Variants in SUMF1 observed in about 807,000 individuals in gnomAD.
SUMF1 encodes the protein formylglycine-generating enzyme.
Under a neutral mutation model 47.6 loss-of-function variants are expected in SUMF1, and 48 were observed. The ratio of observed to expected loss-of-function variants is 1.01; its 90% CI spans 0.80 to 1.28. SUMF1 has a LOEUF of 1.28. Ranked by LOEUF, SUMF1 falls within the 50% of genes most tolerant of loss-of-function variation. SUMF1 has a pLI of 0.00. For missense variants in SUMF1, 571 were observed against 485.4 expected, an observed-to-expected ratio of 1.18 and a Z score of -1.66; for synonymous variants, 230 against 192.1, an observed-to-expected ratio of 1.20 and a Z score of -1.63.
intron 8 of SUMF1, among the ~76,000 whole-genome samples, chr3:4,195,451 A>G (rs1460704412): frequency 6.6e-6 from 1 of 152,144 alleles, no homozygotes; most frequent in Non-Finnish European, 1.5e-5. Flanking sequence ...AGCTGTACCT[A>G]AAGCCCTGAT....
At chr3:4,095,593 G>A (rs1692883358) in intron 8 of SUMF1, among the ~76,000 whole-genome samples, 1 of 152,080 alleles carries the variant, frequency 6.6e-6, no homozygotes, top group Non-Finnish European at 1.5e-5. Flanking sequence ...AAGGTAAAAT[G>A]AGATATGACC....
chr3:4,174,676 G>A (rs1694918149), intron 8 of SUMF1, among the ~76,000 whole-genome samples: 1 of 152,108 alleles, frequency 6.6e-6, no homozygotes, highest in African/African-American at 2.4e-5. Flanking sequence ...CATCTCATTG[G>A]GACTGGTTGG....
chr3:4,430,614 T>C (rs1020606301), intron 3 of SUMF1, among the ~76,000 whole-genome samples: 4 of 141,256 alleles, frequency 2.8e-5, no homozygotes, highest in Admixed American at 2.2e-4. Context: ...CGCAAATACT[T>C]GGTGAGCATC....
chr3:4,179,759 C>T (rs532255350), intron 8 of SUMF1, among the ~76,000 whole-genome samples: 1 of 152,094 alleles, frequency 6.6e-6, no homozygotes, highest in African/African-American at 2.4e-5. Context: ...AACTGGCAAC[C>T]TACAGAATGG....
chr3:4,142,170 G>C (rs795295), intron 8 of SUMF1, among the ~76,000 whole-genome samples: 119,481 of 152,004 alleles, frequency 0.79, 47,300 homozygotes, highest in Admixed American at 0.84. Flanking sequence ...CCAAAATTTC[G>C]CAAGGAATAG....
At chr3:4,337,770 C>T (rs1370400165) in intron 8 of SUMF1, among the ~76,000 whole-genome samples, 5 of 152,168 alleles carry the variant, frequency 3.3e-5, no homozygotes, top group African/African-American at 1.2e-4. Flanking sequence ...TTTTCATCTG[C>T]CCTCAAACAG....
At chr3:4,311,685 C>T (rs769455182) in intron 8 of SUMF1, among the ~76,000 whole-genome samples, 1 of 152,220 alleles carries the variant, frequency 6.6e-6, no homozygotes, top group Non-Finnish European at 1.5e-5. Flanking sequence ...ATCCAGTCTA[C>T]TTCTACCACA....
At chr3:4,199,766 A>C (rs1237635011) in intron 8 of SUMF1, among the ~76,000 whole-genome samples, 1 of 152,032 alleles carries the variant, frequency 6.6e-6, no homozygotes, top group Non-Finnish European at 1.5e-5. Context: ...CTATTTATTG[A>C]TCTTTTCTGG....
intron 1 of SUMF1, among the ~76,000 whole-genome samples, chr3:4,461,264 T>C (rs1244582932): frequency 1.4e-5 from 2 of 143,362 alleles, no homozygotes; most frequent in Non-Finnish European, 3.2e-5. Context: ...ATTCTCACTA[T>C]ACTCTAAGTG....
intron 8 of SUMF1, among the ~76,000 whole-genome samples, chr3:4,189,794 G>A (rs1198750384): frequency 6.6e-6 from 1 of 152,094 alleles, no homozygotes; most frequent in Non-Finnish European, 1.5e-5. Context: ...TTGGATCACT[G>A]CTGACACCTT....
At chr3:4,131,930 G>A (rs1488154132) in intron 8 of SUMF1, among the ~76,000 whole-genome samples, 1 of 152,124 alleles carries the variant, frequency 6.6e-6, no homozygotes, top group Non-Finnish European at 1.5e-5. Context: ...CATGGGCTCA[G>A]CAACATGGAC....
chr3:4,186,429 T>C (rs539580107), intron 8 of SUMF1, among the ~76,000 whole-genome samples: 2 of 152,284 alleles, frequency 1.3e-5, no homozygotes, highest in East Asian at 3.9e-4. Flanking sequence ...CAGTGGCTTA[T>C]CATAATATGC....
At chr3:4,226,652 T>C in intron 8 of SUMF1, among the ~76,000 whole-genome samples, 1 of 152,072 alleles carries the variant, frequency 6.6e-6, no homozygotes, top group East Asian at 1.9e-4. Context: ...TTCATTTCCA[T>C]ATTTTATATG....
intron 8 of SUMF1, among the ~76,000 whole-genome samples, chr3:4,185,254 C>A (rs1292481223): frequency 3.9e-5 from 6 of 152,126 alleles, no homozygotes; most frequent in Admixed American, 3.9e-4. Context: ...CATATATAAT[C>A]CCATCTTAAT....
chr3:4,103,299 T>C (rs1395708892), intron 8 of SUMF1, among the ~76,000 whole-genome samples: 2 of 151,796 alleles, frequency 1.3e-5, no homozygotes, highest in African/African-American at 4.8e-5. Flanking sequence ...CCTAGTTGGG[T>C]AGATAGAAAT....
intron 8 of SUMF1, among the ~76,000 whole-genome samples, chr3:4,159,371 T>G (rs1350746295): frequency 6.6e-6 from 1 of 151,304 alleles, no homozygotes; most frequent in South Asian, 2.1e-4. Flanking sequence ...TATTTTAAAC[T>G]GAGGACAACT....
intron 8 of SUMF1, among the ~76,000 whole-genome samples, chr3:4,286,997 C>T (rs1353231844): frequency 6.6e-6 from 1 of 152,082 alleles, no homozygotes; most frequent in East Asian, 1.9e-4. Context: ...TCTGCAATGT[C>T]AAAATTATTT....
At chr3:4,234,787 C>CA (rs1559595685) in intron 8 of SUMF1, among the ~76,000 whole-genome samples, 1 of 151,122 alleles carries the variant, frequency 6.6e-6, no homozygotes, top group Admixed American at 6.6e-5. Context: ...TATTCCAGGC[C>CA]AAAAAAAGAA....
intron 8 of SUMF1, among the ~76,000 whole-genome samples, chr3:4,323,147 C>T (rs1013475575): frequency 6.6e-6 from 1 of 152,084 alleles, no homozygotes; most frequent in Non-Finnish European, 1.5e-5. Context: ...GAATAAACAA[C>T]ATGTAGTATC....
Sources: gnomAD v4.1 joint callset for allele counts (sites outside exome capture counted in the v4.1 genomes callset) on GRCh38, gnomAD v4.1.1 for gene constraint, MANE v1.5 for transcripts, NCBI Gene and HGNC (gene_info 2026-07-23, HGNC 2026-07-21) for gene names.